ATRN: variants seen among roughly 807,000 people sequenced by gnomAD.
ATRN encodes attractin-2.
Under a neutral mutation model 178.7 loss-of-function variants are expected in ATRN, and 54 were observed. The observed-to-expected ratio is 0.30, with a 90% CI of 0.24 to 0.38. ATRN has a LOEUF of 0.38. Ranked by LOEUF, ATRN falls within the 10% of genes least tolerant of loss-of-function variation. The probability of loss-of-function intolerance (pLI) is 1.00; values close to 1 mark genes in which losing one functional copy is unlikely to be tolerated. For missense variants in ATRN, 1,443 were observed against 1,815.1 expected (o/e 0.79, Z 3.73); for synonymous variants, 636 against 663.0 (o/e 0.96, Z 0.63).
chr20:3,588,976 C>CTTTTTTTTTTTTTTTTTTTTTTTT (rs1375444238), intron 18 of ATRN, among the ~76,000 whole-genome samples: 1 of 57,650 alleles, frequency 1.7e-5, no homozygotes, highest in African/African-American at 5.6e-5. Flanking sequence ...GTAGTATTTT[C>CTTTTTTTTTTTTTTTTTTTTTTTT]TTTTGTTTTT....
chr20:3,582,356 T>TA lies in ATRN; in HGVS notation c.2764+4dup. 3 of 1,611,916 alleles carry TA rather than the reference T, an allele frequency of 1.9e-6. No homozygotes were observed. The highest frequency in any genetic ancestry group is 1.7e-6 in the Non-Finnish European group (2 of 1,179,722). On this transcript the variant is annotated splice_region_variant and intron_variant, in intron 16 of 28. Transcript: ENST00000262919. ...ATGGTAGTGTCTGTGAAAGGCCTGG[T>TA]AAGTTCACAGGTGAATTAGGTGGTA... is the stretch of plus-strand genomic sequence containing the variant.
At chr20:3,609,121 GT>G (rs1183842776) in intron 24 of ATRN, among the ~76,000 whole-genome samples, 1 of 152,006 alleles carries the variant, frequency 6.6e-6, no homozygotes, top group East Asian at 1.9e-4. Context: ...TGGTAGTATG[GT>G]TTTTTTCACA....
chr20:3,598,089 T>G (rs2086556712), intron 22 of ATRN, 89 bp downstream of exon 22: 1 of 830,218 alleles, frequency 1.2e-6, no homozygotes. Context: ...GCCTTAACAG[T>G]GCTCTCCAGA....
chr20:3,614,551 T>C (rs773655016), intron 24 of ATRN, among the ~76,000 whole-genome samples: 10 of 152,228 alleles, frequency 6.6e-5, no homozygotes, highest in Non-Finnish European at 1.5e-4. Context: ...GTTCTGTTTA[T>C]GGGTGCTAAC....
chr20:3,490,249 A>G, intron 1 of ATRN: 2 of 1,465,136 alleles, frequency 1.4e-6, no homozygotes, highest in East Asian at 4.5e-5. Flanking sequence ...CCAAACCCAG[A>G]GAGGCCAACT....
chr20:3,618,588 A>C (rs1438029114), intron 24 of ATRN, among the ~76,000 whole-genome samples: 3 of 152,228 alleles, frequency 2.0e-5, no homozygotes, highest in Non-Finnish European at 4.4e-5. Context: ...TAGGGAAAGA[A>C]AGCACAGAGC....
chr20:3,633,219 G>A (rs1254133436), intron 25 of ATRN, among the ~76,000 whole-genome samples: 5 of 152,240 alleles, frequency 3.3e-5, no homozygotes, highest in Admixed American at 6.5e-5. Flanking sequence ...TCCACCAAGT[G>A]ACGATCCTGG....
At chr20:3,630,247 A>G (rs1196840071) in intron 25 of ATRN, among the ~76,000 whole-genome samples, 2 of 152,194 alleles carry the variant, frequency 1.3e-5, no homozygotes, top group Non-Finnish European at 2.9e-5. Flanking sequence ...ATTATTTTTC[A>G]TCGTGGTATT....
At chr20:3,486,263 G>A (rs960858839) in intron 1 of ATRN, among the ~76,000 whole-genome samples, 1 of 151,312 alleles carries the variant, frequency 6.6e-6, no homozygotes, top group Admixed American at 6.6e-5. Flanking sequence ...CTCATAGCCA[G>A]TCTTTTTCAC....
rs1485412124 is a variant in ATRN, at chr20:3,650,023, C to T, written c.*3176C>T. ...GTGTGGAGAGAAGGCAACCCCAGAT[C>T]CCCTGAGCTAACCCGGAGGAAAGGC... is the stretch of plus-strand genomic sequence containing the variant. On this transcript the variant is annotated 3_prime_UTR_variant, in exon 29 of 29. Transcript: ENST00000262919. The T allele has an allele frequency of 2.0e-5, 3 of 152,290 alleles. No homozygotes were observed. The highest frequency in any genetic ancestry group is 4.4e-5 in the Non-Finnish European group (3 of 68,150). 9.4% of individuals were successfully genotyped at this position (152,290 alleles called of 1,614,324 possible). A position where few individuals can be genotyped will look rare whatever the true frequency, so the allele number is the denominator to read the frequency against.
chr20:3,482,594 A>G (rs993190755), intron 1 of ATRN, among the ~76,000 whole-genome samples: 6 of 152,220 alleles, frequency 3.9e-5, no homozygotes, highest in Non-Finnish European at 7.3e-5. Context: ...TTTTTGAAGT[A>G]CTGGAGATAT....
chr20:3,572,834 G>A lies in ATRN; in HGVS notation c.1975G>A (p.Ala659Thr), dbSNP rs745832325. ...GCATCGGAGTGAAGCCGCTTGTTTA[G>A]CAGCAGGACCTGGTATTCGGTGTGT... ...DAHRSEAACLAAGPGIRCVWN... is the reference protein window; with the variant it reads ...DAHRSEAACLTAGPGIRCVWN... Residue 659 changes from alanine (A) to threonine (T), a missense_variant, in exon 12 of 29, where the codon GCA (alanine) becomes ACA (threonine). By Grantham distance (58) the Ala-to-Thr change is moderately conservative. Around this residue, in one of 4 missense-constraint regions of ATRN, gnomAD observed 862 missense variants for 972.1 expected, o/e 0.89. Coordinates refer to ENST00000262919, the MANE Select transcript of ATRN (RefSeq NM_139321.3). The A allele has an allele frequency of 1.2e-6, 2 of 1,613,716 alleles. No individual in the cohort carries two copies. Among genetic ancestry groups the A allele is most frequent in the African/African-American group, 1.3e-5 (1 of 74,916 alleles).
chr20:3,535,318 C>T lies in ATRN; in HGVS notation c.476C>T (p.Thr159Met), dbSNP rs1199796049. The change falls in exon 2 of 29, where the codon ACG (threonine) becomes ATG (methionine). Residue 159 changes from threonine (T) to methionine (M), a missense_variant. Physicochemically the swap from Thr to Met is moderately conservative, Grantham distance 81. This residue lies in a region of ATRN where 862 missense variants were observed against 972.1 expected (regional missense o/e 0.89). Transcript: ENST00000262919. ...AATTATAAATACAAAACGAAGTGCA[C>T]GTGGCTCATTGAAGGACAGTAAGTA... is the stretch of plus-strand genomic sequence containing the variant. ...PGNYKYKTKC[T>M]WLIEGQPNRI... 7.8e-6 allele frequency: 12 copies of T among 1,544,866 alleles called. No homozygotes were observed. Among genetic ancestry groups the T allele is most frequent in the African/African-American group, 2.8e-5 (2 of 72,420 alleles).
In ATRN at chr20:3,505,342, C is replaced by A. The variant is rs531692811; in HGVS notation, c.411-29911C>A. ...GTCTCCCAGGTTCTTGGACCTTTGG[C>A]CTCAGACTGAGTTACACCACCAGCT... On this transcript the variant is annotated intron_variant, in intron 1 of 28. Transcript: ENST00000262919. 2.6e-5 allele frequency among the ~76,000 whole-genome samples: 4 copies of A among 152,252 alleles called. No individual in the cohort carries two copies. The South Asian group carries it at 8.3e-4, about 32-fold the overall frequency.
At chr20:3,565,779 A>G (rs2086025632) in intron 11 of ATRN, among the ~76,000 whole-genome samples, 1 of 133,380 alleles carries the variant, frequency 7.5e-6, no homozygotes, top group Non-Finnish European at 1.5e-5. Flanking sequence ...GCCTGGCAAC[A>G]GAGCAAGACT....
At chr20:3,612,585 G>A (rs1243327809) in intron 24 of ATRN, among the ~76,000 whole-genome samples, 1 of 152,122 alleles carries the variant, frequency 6.6e-6, no homozygotes, top group Non-Finnish European at 1.5e-5. Flanking sequence ...TCCGAAAGAG[G>A]TTGAGCTCTA....
chr20:3,526,210 T>C (rs1422616424), intron 1 of ATRN, among the ~76,000 whole-genome samples: 1 of 152,208 alleles, frequency 6.6e-6, no homozygotes, highest in Non-Finnish European at 1.5e-5. Context: ...AGTCTCAGGA[T>C]ACAAAATCAG....
At chr20:3,524,255 G>A (rs963633300) in intron 1 of ATRN, among the ~76,000 whole-genome samples, 1 of 151,294 alleles carries the variant, frequency 6.6e-6, no homozygotes, top group Non-Finnish European at 1.5e-5. Context: ...AAAAAGCAGG[G>A]GTTGCAATCC....
intron 23 of ATRN, among the ~76,000 whole-genome samples, chr20:3,601,868 A>T (rs557961208): frequency 3.2e-5 from 3 of 92,770 alleles, no homozygotes; most frequent in African/African-American, 7.6e-5. Flanking sequence ...CCATCTCTTT[A>T]AAAAAAAAAA....
Sources: gnomAD v4.1 joint callset for allele counts (sites outside exome capture counted in the v4.1 genomes callset) on GRCh38, gnomAD v4.1.1 for gene constraint, gnomAD v4.1.1 regional missense constraint, MANE v1.5 for transcripts, NCBI Gene and HGNC (gene_info 2026-07-23, HGNC 2026-07-21) for gene names.